Variants in CFAP299 observed in about 807,000 individuals in gnomAD.
CFAP299 encodes the protein cilia- and flagella-associated protein 299.
CFAP299 carries 21 observed loss-of-function variants against 27.0 expected under a neutral mutation model. The observed-to-expected ratio is 0.78, with a 90% CI of 0.55 to 1.12. The LOEUF is 1.12. CFAP299 is among the 50% of genes most tolerant of loss of function. The probability of loss-of-function intolerance (pLI) is 0.00; values close to 1 mark genes in which losing one functional copy is unlikely to be tolerated. For synonymous variants in CFAP299, 104 were observed against 98.1 expected (o/e 1.06, Z -0.36); for missense variants, 310 against 276.6 (o/e 1.12, Z -0.86).
chr4:80,735,902 T>C (rs963402603), intron 3 of CFAP299, among the ~76,000 whole-genome samples: 1 of 152,124 alleles, frequency 6.6e-6, no homozygotes, highest in Non-Finnish European at 1.5e-5. Context: ...GTTTTCTTTT[T>C]TTGATGTGTC....
intron 3 of CFAP299, among the ~76,000 whole-genome samples, chr4:80,777,184 G>A (rs920778311): frequency 6.6e-6 from 1 of 152,132 alleles, no homozygotes; most frequent in African/African-American, 2.4e-5. Context: ...CTCTTATAGA[G>A]AAGCATTTGT....
At chr4:80,608,404 A>C in intron 3 of CFAP299, 1 of 1,486,168 alleles carries the variant, frequency 6.7e-7, no homozygotes, top group Non-Finnish European at 9.1e-7. Context: ...CTTATGGAAA[A>C]GTTTCCTTTA....
intron 4 of CFAP299, among the ~76,000 whole-genome samples, chr4:80,901,333 T>C (rs980192499): frequency 2.6e-5 from 4 of 152,166 alleles, no homozygotes; most frequent in African/African-American, 7.2e-5. Context: ...AGGATTGTTT[T>C]TCTAGCAGCT....
intron 3 of CFAP299, among the ~76,000 whole-genome samples, chr4:80,626,062 C>T (rs1013595929): frequency 2.6e-5 from 4 of 151,868 alleles, no homozygotes; most frequent in African/African-American, 9.7e-5. Flanking sequence ...CCCAACATTT[C>T]ACCCCAAAGC....
intron 4 of CFAP299, among the ~76,000 whole-genome samples, chr4:80,936,325 T>TG (rs1736886514): frequency 6.6e-6 from 1 of 152,088 alleles, no homozygotes; most frequent in Non-Finnish European, 1.5e-5. Flanking sequence ...TTTTATGATA[T>TG]AAATGCATGT....
At chr4:80,453,520 A>G (rs1340386755) in intron 2 of CFAP299, among the ~76,000 whole-genome samples, 2 of 152,098 alleles carry the variant, frequency 1.3e-5, no homozygotes, top group East Asian at 1.9e-4. Context: ...TTTTTTTCAT[A>G]TACCCATTCT....
chr4:80,389,185 T>A (rs1578386976), intron 2 of CFAP299, among the ~76,000 whole-genome samples: 2 of 152,184 alleles, frequency 1.3e-5, no homozygotes, highest in East Asian at 3.8e-4. Context: ...CACTGCTGGA[T>A]TGGGTTAGAT....
intron 3 of CFAP299, among the ~76,000 whole-genome samples, chr4:80,599,063 A>G (rs987437099): frequency 3.3e-5 from 5 of 152,188 alleles, no homozygotes; most frequent in African/African-American, 1.2e-4. Context: ...TATGCAAAAT[A>G]GATTTTATTT....
In CFAP299 at chr4:80,857,400, C is replaced by T. The variant is rs994856123; in HGVS notation, c.334-12593C>T. ...TTCCTAATTGAATACCCTTTATTTC[C>T]TTCTCCTGCCTGATTGCCCTGGCCA... On this transcript the variant is annotated intron_variant, in intron 3 of 5. Coordinates refer to ENST00000358105, the MANE Select transcript of CFAP299 (RefSeq NM_152770.3). 3.5e-4 allele frequency among the ~76,000 whole-genome samples: 53 copies of T among 152,140 alleles called. 1 individual carries two copies. Among genetic ancestry groups the T allele is most frequent in the African/African-American group, 1.2e-3 (51 of 41,514 alleles).
chr4:80,816,819 T>C (rs1020573723), intron 3 of CFAP299, among the ~76,000 whole-genome samples: 1 of 152,044 alleles, frequency 6.6e-6, no homozygotes, highest in Non-Finnish European at 1.5e-5. Flanking sequence ...TAAAATACGC[T>C]GCCACTAACG....
chr4:80,928,672 A>T (rs1736426118), intron 4 of CFAP299, among the ~76,000 whole-genome samples: 1 of 152,108 alleles, frequency 6.6e-6, no homozygotes, highest in Non-Finnish European at 1.5e-5. Context: ...TGTTTTTTTT[A>T]AAGAACAGAA....
intron 1 of CFAP299, among the ~76,000 whole-genome samples, chr4:80,347,306 C>T (rs1722781572): frequency 1.3e-5 from 2 of 152,224 alleles, no homozygotes; most frequent in Admixed American, 6.5e-5. Flanking sequence ...ACTTCTAACA[C>T]TATGTTGAAT....
intron 3 of CFAP299, among the ~76,000 whole-genome samples, chr4:80,828,370 G>A (rs951074141): frequency 1.1e-4 from 17 of 152,038 alleles, no homozygotes; most frequent in Admixed American, 7.9e-4. Flanking sequence ...TAGAAAAGTC[G>A]AAAAATAAAC....
At chr4:80,675,710 T>C (rs4572872) in intron 3 of CFAP299, among the ~76,000 whole-genome samples, 141,956 of 152,256 alleles carry the variant, frequency 0.93, 66,252 homozygotes, top group East Asian at 1. Context: ...TGAGCTTCCC[T>C]ATCCACTATG....
intron 3 of CFAP299, among the ~76,000 whole-genome samples, chr4:80,624,240 A>G (rs184041900): frequency 2.0e-5 from 3 of 152,218 alleles, no homozygotes; most frequent in Admixed American, 2.0e-4. Flanking sequence ...ATACAAAGAA[A>G]CAAATCAACA....
intron 2 of CFAP299, among the ~76,000 whole-genome samples, chr4:80,446,157 G>A (rs1471852885): frequency 6.6e-6 from 1 of 152,184 alleles, no homozygotes; most frequent in Non-Finnish European, 1.5e-5. Context: ...AGAGGAAAAG[G>A]CATAGGTGTT....
At chr4:80,865,899 T>C (rs1258161354) in intron 3 of CFAP299, among the ~76,000 whole-genome samples, 2 of 91,824 alleles carry the variant, frequency 2.2e-5, no homozygotes, top group Admixed American at 3.4e-4. Flanking sequence ...GTGGGGAACA[T>C]CACACACCAG....
chr4:80,724,776 A>G (rs1252318705), intron 3 of CFAP299, among the ~76,000 whole-genome samples: 1 of 151,808 alleles, frequency 6.6e-6, no homozygotes, highest in African/African-American at 2.4e-5. Flanking sequence ...GTTATTTTTT[A>G]ATAAGTTTCT....
intron 2 of CFAP299, among the ~76,000 whole-genome samples, chr4:80,559,409 G>GT (rs1385702741): frequency 1.3e-5 from 2 of 152,156 alleles, no homozygotes; most frequent in Non-Finnish European, 2.9e-5. Flanking sequence ...AAGGGAAGAG[G>GT]TGGAGCAAGA....
Sources: gnomAD v4.1 joint callset for allele counts (sites outside exome capture counted in the v4.1 genomes callset) on GRCh38, gnomAD v4.1.1 for gene constraint, MANE v1.5 for transcripts, NCBI Gene and HGNC (gene_info 2026-07-23, HGNC 2026-07-21) for gene names.